MTBP: variants seen among roughly 807,000 people sequenced by gnomAD.
MTBP encodes mdm2-binding protein.
In MTBP, 101 loss-of-function variants were observed where a neutral mutation model predicts 117.0. The observed-to-expected ratio is 0.86, with a 90% confidence interval of 0.73 to 1.02. MTBP has a LOEUF of 1.02. Among genes scored for constraint, MTBP ranks in the 50% least tolerant of loss-of-function variants. The pLI, the probability that MTBP is intolerant of heterozygous loss-of-function variation, is 0.00. For synonymous variants in MTBP, 350 were observed against 351.5 expected (o/e 1.00, Z 0.05); for missense variants, 970 against 1,030.9 (o/e 0.94, Z 0.81).
intron 11 of MTBP, among the ~76,000 whole-genome samples, chr8:120,483,005 ATCTT>A (rs1256180284): frequency 1.9e-4 from 26 of 139,842 alleles, no homozygotes; most frequent in African/African-American, 6.7e-4. Flanking sequence ...GGACAGTACT[ATCTT>A]TTTTTTTTTT....
At chr8:120,520,267 A>G (rs1814990828) in intron 20 of MTBP, among the ~76,000 whole-genome samples, 1 of 152,152 alleles carries the variant, frequency 6.6e-6, no homozygotes, top group Admixed American at 6.6e-5. Context: ...CTGTTTCCAA[A>G]AAAAGCATAA....
intron 10 of MTBP, among the ~76,000 whole-genome samples, chr8:120,466,948 C>T (rs1813708654): frequency 6.6e-6 from 1 of 152,164 alleles, no homozygotes; most frequent in Admixed American, 6.6e-5. Context: ...TTTACTGCTG[C>T]TATCTGCCAG....
At position 120,487,556 on chromosome 8, in the gene MTBP, T is replaced by G. The variant is rs181268065; in HGVS notation, c.1166-603T>G. ...CATCTTCAACAAAGAAAGATTCTAC[T>G]TCTATTTTTAATCTCAAAGGCTTCA... On this transcript the variant is annotated intron_variant, in intron 11 of 21. Coordinates refer to ENST00000305949, the MANE Select transcript of MTBP (RefSeq NM_022045.5). 8.5e-5 allele frequency among the ~76,000 whole-genome samples: 13 copies of G among 152,382 alleles called. No individual in the cohort carries two copies. In the East Asian group the frequency reaches 2.3e-3, roughly 27 times the overall value.
intron 17 of MTBP, among the ~76,000 whole-genome samples, chr8:120,513,809 C>T (rs1364451237): frequency 2.0e-5 from 3 of 151,988 alleles, no homozygotes; most frequent in Admixed American, 2.0e-4. Context: ...ACTCTAGATT[C>T]TACCAATTAC....
At chr8:120,499,516 A>G (rs961191450) in intron 14 of MTBP, among the ~76,000 whole-genome samples, 2 of 152,192 alleles carry the variant, frequency 1.3e-5, no homozygotes, top group Non-Finnish European at 2.9e-5. Flanking sequence ...ATGACTCCTA[A>G]GAATGAAGTT....
chr8:120,519,971 A>C (rs903960514), intron 20 of MTBP, among the ~76,000 whole-genome samples: 1 of 152,136 alleles, frequency 6.6e-6, no homozygotes, highest in Non-Finnish European at 1.5e-5. Flanking sequence ...AAAATATTGG[A>C]AGCTGCAGTG....
chr8:120,466,506 G>A (rs772259885), intron 10 of MTBP, among the ~76,000 whole-genome samples: 44 of 151,660 alleles, frequency 2.9e-4, no homozygotes, highest in Non-Finnish European at 6.0e-4. Context: ...GTGAGCCACT[G>A]CACCTGGTCA....
rs761767530 is a variant in MTBP at position 120,516,197 on chromosome 8, A to C, written c.2246+6A>C. 6.2e-7 allele frequency: 1 copy of C among 1,602,674 alleles called. No homozygotes were observed. The highest frequency in any genetic ancestry group is 1.7e-5 in the Admixed American group (1 of 59,638). On this transcript the variant is annotated splice_donor_region_variant and intron_variant, in intron 18 of 21. Coordinates refer to ENST00000305949, the MANE Select transcript of MTBP (RefSeq NM_022045.5). ...TGCCTTTATCCCAGAAAAAGGTGAT[A>C]TATTACATGCACATAAATAGTATAT...
rs1272746569 is a variant in MTBP, at chr8:120,480,238, A to AAT, written c.1166-7920_1166-7919insTA. 2.7e-5 allele frequency among the ~76,000 whole-genome samples: 4 copies of AAT among 150,928 alleles called. No homozygotes were observed. The East Asian group carries it at 5.8e-4, about 22-fold the overall frequency. On this transcript the variant is annotated intron_variant, in intron 11 of 21. Transcript: ENST00000305949. ...ACATGGCGAAACCCCGTCTCTACAA[A>AAT]AAAAAAAAAACAAAAACAAAAATTA...
At chr8:120,466,516 A>G (rs1189649869) in intron 10 of MTBP, among the ~76,000 whole-genome samples, 1 of 151,174 alleles carries the variant, frequency 6.6e-6, no homozygotes, top group Non-Finnish European at 1.5e-5. Context: ...GCACCTGGTC[A>G]TTTTTCACAT....
intron 7 of MTBP, among the ~76,000 whole-genome samples, chr8:120,458,123 C>T (rs1396033683): frequency 6.6e-6 from 1 of 152,036 alleles, no homozygotes; most frequent in Non-Finnish European, 1.5e-5. Flanking sequence ...ATTAAATGTT[C>T]GTATCTCCAC....
At chr8:120,515,879 T>G (rs1394895446) in intron 17 of MTBP, 46 bp from the exon 18 acceptor site, 7 of 1,546,266 alleles carry the variant, frequency 4.5e-6, no homozygotes, top group African/African-American at 2.7e-5. Flanking sequence ...GAAAGTCTGT[T>G]GCTCTCATGG....
At chr8:120,485,273 C>A (rs1360648646) in intron 11 of MTBP, among the ~76,000 whole-genome samples, 1 of 151,886 alleles carries the variant, frequency 6.6e-6, no homozygotes, top group Non-Finnish European at 1.5e-5. Flanking sequence ...AATTTTATAT[C>A]TTTCATTTAT....
chr8:120,523,266 A>G (rs1395712292), intron 21 of MTBP, 32 bp from the exon 22 acceptor site: 4 of 1,441,262 alleles, frequency 2.8e-6, no homozygotes, highest in Non-Finnish European at 3.8e-6. Flanking sequence ...TTCAAGAGAA[A>G]TCTTCTGTAA....
At position 120,459,209 on chromosome 8, in the gene MTBP, T is replaced by G; in HGVS notation, c.748-6T>G. On this transcript the variant is annotated splice_polypyrimidine_tract_variant and splice_region_variant and intron_variant, in intron 7 of 21. Coordinates refer to ENST00000305949, the MANE Select transcript of MTBP (RefSeq NM_022045.5). ...TTGTAACTGTGTTTTCTTGGTCTCT[T>G]TTCAGTTTGGATTTGAAATTAGTTT... 2 of 1,605,244 alleles carry G rather than the reference T, an allele frequency of 1.2e-6. No homozygotes were observed. The highest frequency in any genetic ancestry group is 1.7e-6 in the Non-Finnish European group (2 of 1,174,516).
intron 11 of MTBP, among the ~76,000 whole-genome samples, chr8:120,485,271 ATC>A (rs1445441189): frequency 6.6e-6 from 1 of 152,122 alleles, no homozygotes; most frequent in Non-Finnish European, 1.5e-5. Flanking sequence ...TAAATTTTAT[ATC>A]TTTCATTTAT....
intron 17 of MTBP, among the ~76,000 whole-genome samples, chr8:120,513,561 C>T (rs944895383): frequency 6.6e-6 from 1 of 151,860 alleles, no homozygotes; most frequent in Non-Finnish European, 1.5e-5. Flanking sequence ...CAATTAACAT[C>T]AACATGTACA....
chr8:120,523,442 G>T lies in MTBP; in HGVS notation c.*106G>T, dbSNP rs971416962. 10 of 605,028 alleles carry T rather than the reference G, an allele frequency of 1.7e-5. No individual in the cohort carries two copies. Among genetic ancestry groups the T allele is most frequent in the Non-Finnish European group, 2.8e-5 (10 of 359,780 alleles). 37.5% of individuals were successfully genotyped at this position (605,028 alleles called of 1,614,324 possible). On this transcript the variant is annotated 3_prime_UTR_variant, in exon 22 of 22. Transcript: ENST00000305949. ...AAACAAATTTTAAGCTTTATTCAAA[G>T]AATAGATGTTATATTTCTAAAGAAT...
In MTBP at chr8:120,517,952, G is replaced by A. The variant is rs548643877; in HGVS notation, c.2348G>A (p.Arg783Gln). ...ACATCCAGAAAGCCACAAACAGAAC[G>A]GTCCTTACCAGTGACTTGTCCATTG... The part of the protein sequence containing the change: ...HVTSRKPQTE[R>Q]SLPVTCPLVP... The change falls in exon 19 of 22, where the codon CGG becomes CAG. Residue 783 changes from arginine (R) to glutamine (Q), a missense_variant. Transcript: ENST00000305949. 8.2e-5 allele frequency: 132 copies of A among 1,612,546 alleles called. 2 individuals carry two copies. The South Asian group carries it at 8.9e-4, about 11-fold the overall frequency.
Sources: gnomAD v4.1 joint callset for allele counts (sites outside exome capture counted in the v4.1 genomes callset) on GRCh38, gnomAD v4.1.1 for gene constraint, MANE v1.5 for transcripts, NCBI Gene and HGNC (gene_info 2026-07-23, HGNC 2026-07-21) for gene names.